Variants in MAML3 observed in about 807,000 individuals in gnomAD.
MAML3 encodes mastermind like transcriptional coactivator 3, also known as mastermind-like protein 3.
Under a neutral mutation model 101.9 loss-of-function variants are expected in MAML3, and 27 were observed. The ratio of observed to expected loss-of-function variants is 0.27; its 90% CI spans 0.20 to 0.37. The LOEUF is 0.37. MAML3 is among the 10% of genes least tolerant of loss of function. The pLI, the probability that MAML3 is intolerant of heterozygous loss-of-function variation, is 1.00. For synonymous variants in MAML3, 501 were observed against 555.9 expected (o/e 0.90, Z 1.39); for missense variants, 1,316 against 1,444.9 (o/e 0.91, Z 1.45).
intron 2 of MAML3, among the ~76,000 whole-genome samples, chr4:139,760,411 G>A (rs1016510087): frequency 6.6e-6 from 1 of 152,220 alleles, no homozygotes; most frequent in Admixed American, 6.5e-5. Context: ...CTGCTGGGCT[G>A]TAATCCCAGC....
intron 2 of MAML3, among the ~76,000 whole-genome samples, chr4:139,745,711 GT>G (rs1334188519): frequency 6.6e-6 from 1 of 152,126 alleles, no homozygotes; most frequent in Non-Finnish European, 1.5e-5. Flanking sequence ...AATAATGCTA[GT>G]TTTTCTGGTC....
At chr4:139,993,231 A>C (rs1734714624) in intron 1 of MAML3, among the ~76,000 whole-genome samples, 1 of 151,878 alleles carries the variant, frequency 6.6e-6, no homozygotes, top group Non-Finnish European at 1.5e-5. Flanking sequence ...ACACCCCTGT[A>C]ATCTCAGCTG....
chr4:140,048,163 T>C (rs530294229), intron 1 of MAML3, among the ~76,000 whole-genome samples: 20 of 152,268 alleles, frequency 1.3e-4, no homozygotes, highest in African/African-American at 4.8e-4. Flanking sequence ...TGGACTGGAT[T>C]TCTGGCCCAA....
At chr4:139,756,228 T>G (rs1162851022) in intron 2 of MAML3, among the ~76,000 whole-genome samples, 2 of 152,140 alleles carry the variant, frequency 1.3e-5, no homozygotes, top group Non-Finnish European at 2.9e-5. Context: ...AAGGGAACAC[T>G]CCCTCCACCC....
chr4:140,104,393 T>TA lies in MAML3; in HGVS notation c.468+48466dup, dbSNP rs1560894705. On this transcript the variant is annotated intron_variant, in intron 1 of 4. Coordinates refer to ENST00000509479, the MANE Select transcript of MAML3 (RefSeq NM_018717.5). ...ATATATATAATATATATATATTATA[T>TA]ATTATATAATATATAATATAATATA... is the stretch of plus-strand genomic sequence containing the variant. Among the ~76,000 whole-genome samples, 153 of 56,904 alleles carry TA rather than the reference T, an allele frequency of 2.7e-3. 7 individuals are homozygous for TA. The highest frequency in any genetic ancestry group is 6.1e-3 in the African/African-American group (147 of 24,188). The allele number at this position is 56,904 out of a possible 152,430, so 37.3% of individuals were successfully genotyped here.
intron 1 of MAML3, among the ~76,000 whole-genome samples, chr4:139,897,022 C>A: frequency 6.6e-6 from 1 of 152,190 alleles, no homozygotes; most frequent in South Asian, 2.1e-4. Flanking sequence ...ACAAAGAGGT[C>A]TTTTATTCCA....
intron 2 of MAML3, among the ~76,000 whole-genome samples, chr4:139,817,836 A>C (rs771945020): frequency 1.3e-5 from 2 of 152,192 alleles, no homozygotes; most frequent in Non-Finnish European, 2.9e-5. Context: ...GGCTCTCTGC[A>C]CTGGCCTCCT....
chr4:139,789,966 T>A (rs972950177), intron 2 of MAML3, among the ~76,000 whole-genome samples: 4 of 151,930 alleles, frequency 2.6e-5, no homozygotes, highest in Admixed American at 6.6e-5. Flanking sequence ...AGTGTGAGAA[T>A]CCCAGGAGAA....
At chr4:140,028,765 T>C (rs1424120517) in intron 1 of MAML3, among the ~76,000 whole-genome samples, 1 of 152,194 alleles carries the variant, frequency 6.6e-6, no homozygotes, top group Non-Finnish European at 1.5e-5. Flanking sequence ...CCTTTATCTC[T>C]AGTATGCTTT....
intron 1 of MAML3, among the ~76,000 whole-genome samples, chr4:140,118,035 T>C (rs547733767): frequency 1.4e-4 from 22 of 152,268 alleles, no homozygotes; most frequent in African/African-American, 5.3e-4. Context: ...TTTTTTAATC[T>C]TCTAAAATGA....
intron 1 of MAML3, among the ~76,000 whole-genome samples, chr4:140,035,735 A>T (rs1390055600): frequency 6.6e-6 from 1 of 151,742 alleles, no homozygotes; most frequent in African/African-American, 2.4e-5. Context: ...GTGAGCCGAG[A>T]CTGCACCACT....
chr4:140,052,596 G>T (rs1466567667), intron 1 of MAML3, among the ~76,000 whole-genome samples: 1 of 149,030 alleles, frequency 6.7e-6, no homozygotes, highest in Non-Finnish European at 1.5e-5. Flanking sequence ...GTGCAGTGGT[G>T]TGATCTTGGC....
chr4:140,150,407 C>G (rs1303065686), intron 1 of MAML3, among the ~76,000 whole-genome samples: 1 of 152,164 alleles, frequency 6.6e-6, no homozygotes, highest in African/African-American at 2.4e-5. Context: ...AGGGCGGAAA[C>G]CAGAGAACAC....
chr4:139,821,425 G>T (rs918807729), intron 2 of MAML3, among the ~76,000 whole-genome samples: 5 of 152,180 alleles, frequency 3.3e-5, no homozygotes, highest in African/African-American at 1.2e-4. Flanking sequence ...TGCTCCTTAT[G>T]AGAATCTAAT....
At chr4:139,795,643 T>C (rs1730499205) in intron 2 of MAML3, among the ~76,000 whole-genome samples, 1 of 152,206 alleles carries the variant, frequency 6.6e-6, no homozygotes, top group African/African-American at 2.4e-5. Flanking sequence ...CTGGCAGACA[T>C]TCTTGGCATC....
chr4:139,938,998 C>T (rs1016994843), intron 1 of MAML3, among the ~76,000 whole-genome samples: 1 of 152,230 alleles, frequency 6.6e-6, no homozygotes, highest in African/African-American at 2.4e-5. Flanking sequence ...CTTCCCCGCT[C>T]TGCGCACTGT....
chr4:139,779,313 T>A (rs1451280716), intron 2 of MAML3, among the ~76,000 whole-genome samples: 1 of 152,214 alleles, frequency 6.6e-6, no homozygotes, highest in African/African-American at 2.4e-5. Context: ...AGGTTTTTAG[T>A]TGGCTTTGCT....
At chr4:139,744,667 G>T (rs1729266174) in intron 2 of MAML3, among the ~76,000 whole-genome samples, 1 of 152,200 alleles carries the variant, frequency 6.6e-6, no homozygotes, top group Non-Finnish European at 1.5e-5. Flanking sequence ...AATGGCAGGG[G>T]CTATGGTGGG....
At chr4:140,111,156 T>C (rs1439290672) in intron 1 of MAML3, among the ~76,000 whole-genome samples, 1 of 152,212 alleles carries the variant, frequency 6.6e-6, no homozygotes, top group Non-Finnish European at 1.5e-5. Flanking sequence ...AACAACATTA[T>C]TGTACATTAT....
Sources: gnomAD v4.1 joint callset for allele counts (sites outside exome capture counted in the v4.1 genomes callset) on GRCh38, gnomAD v4.1.1 for gene constraint, MANE v1.5 for transcripts, NCBI Gene and HGNC (gene_info 2026-07-23, HGNC 2026-07-21) for gene names.